KCNAB1: variants seen among roughly 807,000 people sequenced by gnomAD.
The protein encoded by KCNAB1 is voltage-gated potassium channel subunit beta-1.
A neutral mutation model predicts 64.6 loss-of-function variants in KCNAB1; 35 were observed. That is an observed-to-expected ratio of 0.54 (90% CI 0.41 to 0.72). KCNAB1 has a LOEUF of 0.72. Among genes scored for constraint, KCNAB1 ranks in the 30% least tolerant of loss-of-function variants. KCNAB1 has a pLI of 0.00. For synonymous variants in KCNAB1, 177 were observed against 183.8 expected (o/e 0.96, Z 0.30); for missense variants, 401 against 512.9 (o/e 0.78, Z 2.11).
chr3:156,331,872 G>C (rs986780519), intron 1 of KCNAB1, among the ~76,000 whole-genome samples: 4 of 152,114 alleles, frequency 2.6e-5, no homozygotes, highest in Admixed American at 6.5e-5. Context: ...ACAGTCTTGT[G>C]TTCTGAAACC....
At chr3:156,232,714 T>A (rs559456991) in intron 1 of KCNAB1, among the ~76,000 whole-genome samples, 1 of 152,368 alleles carries the variant, frequency 6.6e-6, no homozygotes, top group Non-Finnish European at 1.5e-5. Flanking sequence ...GGAATTTTAA[T>A]CTGGGACTAT....
At chr3:156,512,353 T>A (rs1717267917) in intron 8 of KCNAB1, among the ~76,000 whole-genome samples, 1 of 152,256 alleles carries the variant, frequency 6.6e-6, no homozygotes, top group African/African-American at 2.4e-5. Flanking sequence ...GACTCCCACG[T>A]GCCCAAGCCA....
rs1390171615 is a variant in KCNAB1 at position 156,421,560 on chromosome 3, A to G, written c.276-56A>G. ...ATGGAGATACAATATCCACTTATGC[A>G]TGTACAGTTCCACCTGAGGAAATGA... is the stretch of plus-strand genomic sequence containing the variant. On this transcript the variant is annotated intron_variant, in intron 1 of 13. Transcript: ENST00000490337. 11 of 1,551,914 alleles carry G rather than the reference A, an allele frequency of 7.1e-6. No homozygotes were observed. The African/African-American group carries it at 1.4e-4, about 19-fold the overall frequency.
At chr3:156,418,596 G>A (rs924072450) in intron 1 of KCNAB1, among the ~76,000 whole-genome samples, 1 of 152,176 alleles carries the variant, frequency 6.6e-6, no homozygotes, top group African/African-American at 2.4e-5. Flanking sequence ...GGGATTTCAT[G>A]CCCTGAATTG....
intron 2 of KCNAB1, among the ~76,000 whole-genome samples, chr3:156,430,548 C>T (rs1716133341): frequency 6.6e-6 from 1 of 152,152 alleles, no homozygotes; most frequent in Admixed American, 6.5e-5. Context: ...TCATTACAGC[C>T]ATGAGATGGA....
chr3:156,118,335 T>C (rs1350363171), upstream of KCNAB1: 1 of 455,730 alleles, frequency 2.2e-6, no homozygotes, highest in Non-Finnish European at 4.4e-6. Flanking sequence ...CAAGGCAATG[T>C]TAAGGTAATC....
intron 1 of KCNAB1, among the ~76,000 whole-genome samples, chr3:156,405,021 T>C (rs1714155058): frequency 6.6e-6 from 1 of 152,202 alleles, no homozygotes; most frequent in Non-Finnish European, 1.5e-5. Flanking sequence ...CAGCACCTAG[T>C]AATGAATGGC....
At chr3:156,152,082 T>A (rs1006819567) in intron 1 of KCNAB1, among the ~76,000 whole-genome samples, 1 of 152,230 alleles carries the variant, frequency 6.6e-6, no homozygotes, top group African/African-American at 2.4e-5. Context: ...ACAACGACTG[T>A]GTCTCCCACA....
At chr3:156,413,602 G>A (rs1197145204) in intron 1 of KCNAB1, among the ~76,000 whole-genome samples, 1 of 152,176 alleles carries the variant, frequency 6.6e-6, no homozygotes, top group Non-Finnish European at 1.5e-5. Context: ...AGTGATAGAG[G>A]CACTGCCGCA....
chr3:156,421,759 T>G (rs1257851821), intron 2 of KCNAB1, 100 bp downstream of exon 2: 47 of 992,758 alleles, frequency 4.7e-5, no homozygotes, highest in Non-Finnish European at 7.0e-5. Context: ...TGGTCTCAGA[T>G]GAGGAGGAGG....
chr3:156,297,196 C>A (rs1720844936), intron 1 of KCNAB1, among the ~76,000 whole-genome samples: 2 of 150,270 alleles, frequency 1.3e-5, no homozygotes, highest in African/African-American at 4.9e-5. Context: ...ATCTTCAAGT[C>A]ATCTCTGAAA....
intron 8 of KCNAB1, among the ~76,000 whole-genome samples, chr3:156,501,211 G>C (rs1450326461): frequency 1.3e-5 from 2 of 152,054 alleles, no homozygotes; most frequent in African/African-American, 4.8e-5. Context: ...AAAAGGAAGG[G>C]AAAATGAGAG....
chr3:156,199,234 T>A (rs1288483951), intron 1 of KCNAB1, among the ~76,000 whole-genome samples: 1 of 152,216 alleles, frequency 6.6e-6, no homozygotes, highest in Admixed American at 6.5e-5. Context: ...GATCTTTCTG[T>A]CTGGCTGCTC....
intron 1 of KCNAB1, among the ~76,000 whole-genome samples, chr3:156,348,101 A>G (rs1321419562): frequency 6.6e-6 from 1 of 152,174 alleles, no homozygotes; most frequent in African/African-American, 2.4e-5. Context: ...ATGAAGGGAA[A>G]AAAACACCAA....
At chr3:156,154,812 C>T (rs1025203261) in intron 1 of KCNAB1, among the ~76,000 whole-genome samples, 13 of 152,128 alleles carry the variant, frequency 8.5e-5, no homozygotes, top group African/African-American at 2.4e-4. Context: ...AGGGGTCATG[C>T]GTTTCTACTT....
chr3:156,137,163 A>C (rs1714392912), intron 1 of KCNAB1, among the ~76,000 whole-genome samples: 1 of 148,656 alleles, frequency 6.7e-6, no homozygotes, highest in South Asian at 2.1e-4. Flanking sequence ...TATTTTTTCT[A>C]TCCTCTCCTA....
chr3:156,240,713 G>A lies in KCNAB1; in HGVS notation c.275+119827G>A, dbSNP rs139046648. On this transcript the variant is annotated intron_variant, in intron 1 of 13. Transcript: ENST00000490337. ...AATTTTGGTTAAGTATATACTCAAC[G>A]TTAACATTACTATGCCTATCCAAGT... 2.2e-3 allele frequency among the ~76,000 whole-genome samples: 336 copies of A among 152,210 alleles called. 2 individuals carry two copies. Among genetic ancestry groups the A allele is most frequent in the African/African-American group, 7.6e-3 (317 of 41,528 alleles).
chr3:156,187,119 G>A (rs1359470050), intron 1 of KCNAB1, among the ~76,000 whole-genome samples: 1 of 152,182 alleles, frequency 6.6e-6, no homozygotes, highest in African/African-American at 2.4e-5. Flanking sequence ...TTCCCAAAGT[G>A]TTGGGATTAC....
At chr3:156,459,772 A>G (rs1712753608) in intron 4 of KCNAB1, 55 bp from the exon 5 acceptor site, 3 of 1,310,278 alleles carry the variant, frequency 2.3e-6, no homozygotes, top group Non-Finnish European at 3.3e-6. Context: ...TTCTGGATTG[A>G]CTCTTGCTTT....
Sources: gnomAD v4.1 joint callset for allele counts (sites outside exome capture counted in the v4.1 genomes callset) on GRCh38, gnomAD v4.1.1 for gene constraint, MANE v1.5 for transcripts, NCBI Gene and HGNC (gene_info 2026-07-23, HGNC 2026-07-21) for gene names.